SERPINA9: variants seen among roughly 807,000 people sequenced by gnomAD.
The protein encoded by SERPINA9 is serpin family A member 9.
A neutral mutation model predicts 24.5 loss-of-function variants in SERPINA9; 32 were observed. The observed-to-expected ratio is 1.30, with a 90% CI of 0.98 to 1.75. The LOEUF (loss-of-function observed/expected upper bound fraction) is 1.75, where lower values mean the gene tolerates loss of function less well. Among genes scored for constraint, SERPINA9 ranks in the 40% most tolerant of loss-of-function variants. SERPINA9 has a pLI of 0.00. For synonymous variants in SERPINA9, 233 were observed against 197.7 expected (o/e 1.18, Z -1.50); for missense variants, 594 against 497.1 (o/e 1.19, Z -1.85).
At chr14:94,475,815 C>T (rs1899603340) in intron 1 of SERPINA9, 1 of 426,492 alleles carries the variant, frequency 2.3e-6, no homozygotes, top group Non-Finnish European at 4.2e-6. Context: ...ACAACAAAAA[C>T]ACTCCTTTCA....
Position 94,463,041 on chromosome 14 carries a change from G to T in SERPINA9, c.*52C>A. 6.9e-7 allele frequency: 1 copy of T among 1,443,636 alleles called. No homozygotes were observed. The highest frequency in any genetic ancestry group is 9.8e-7 in the Non-Finnish European group (1 of 1,024,690). 89.4% of individuals were successfully genotyped at this position (1,443,636 alleles called of 1,614,324 possible). A position where few individuals can be genotyped will look rare whatever the true frequency, so the allele number is the denominator to read the frequency against. ...CAGAACAGAAAGAGGGATGTGGTTT[G>T]TTATTTCTTGTGCATTAGCAATGTG... On this transcript the variant is annotated 3_prime_UTR_variant, in exon 5 of 5. Coordinates refer to ENST00000674397, the MANE Select transcript of SERPINA9 (RefSeq NM_175739.4).
chr14:94,475,580 T>C (rs758908581), intron 1 of SERPINA9, among the ~76,000 whole-genome samples: 1 of 151,888 alleles, frequency 6.6e-6, no homozygotes, highest in Admixed American at 6.6e-5. Flanking sequence ...CAGTCGCCCC[T>C]CTCTCTCCCC....
intron 1 of SERPINA9, 130 bp downstream of exon 1, chr14:94,476,006 T>A (rs1167672782): frequency 5.7e-6 from 8 of 1,398,986 alleles, no homozygotes; most frequent in Non-Finnish European, 6.9e-6. Flanking sequence ...AGCCAACTAA[T>A]GTGTCTAGGT....
rs749711646 is a variant in SERPINA9, at chr14:94,467,350, T to A, written c.661A>T (p.Thr221Ser). Residue 221 changes from threonine to serine, a missense_variant, in exon 3 of 5, where the codon ACA becomes TCA. Coordinates refer to ENST00000674397, the MANE Select transcript of SERPINA9 (RefSeq NM_175739.4). The stretch of plus-strand genomic sequence containing the variant: ...ACCAGGAATGGGAAGTTCTTTCTTG[T>A]ATATTCAGGGTGAAAGGGCTTCTCC... Reference protein sequence around the residue: ...KWEKPFHPEYTRKNFPFLVGE... With the variant: ...KWEKPFHPEYSRKNFPFLVGE... The A allele has an allele frequency of 6.2e-7, 1 of 1,613,356 alleles. No homozygotes were observed. Among genetic ancestry groups the A allele is most frequent in the South Asian group, 1.1e-5 (1 of 91,040 alleles).
At chr14:94,466,364 G>A (rs1292075021) in intron 3 of SERPINA9, among the ~76,000 whole-genome samples, 1 of 152,146 alleles carries the variant, frequency 6.6e-6, no homozygotes, top group East Asian at 1.9e-4. Context: ...AAACTCCTCA[G>A]CACCTTTCCT....
In SERPINA9 at chr14:94,463,271, A is replaced by G. The variant is rs1898830309; in HGVS notation, c.1076T>C (p.Val359Ala). 4 of 1,614,052 alleles carry G rather than the reference A, an allele frequency of 2.5e-6. No individual in the cohort carries two copies. The highest frequency in any genetic ancestry group is 3.4e-6 in the Non-Finnish European group (4 of 1,180,038). ...SKATHKAVLD[V>A]SEEGTEATAA... Reference sequence around the variant, plus strand: ...TGTGGCCTCAGTGCCCTCTTCACTGACATCCAGCACAGCCTTGTGGGTTGC... The same window carrying G: ...TGTGGCCTCAGTGCCCTCTTCACTGGCATCCAGCACAGCCTTGTGGGTTGC... The change falls in exon 5 of 5, where the codon GTC becomes GCC. Residue 359 changes from valine to alanine, a missense_variant. By Grantham distance (64) the Val-to-Ala change is moderately conservative. Coordinates refer to ENST00000674397, the MANE Select transcript of SERPINA9 (RefSeq NM_175739.4).
At chr14:94,475,863 A>G (rs1899608920) in intron 1 of SERPINA9, 6 of 503,142 alleles carry the variant, frequency 1.2e-5, no homozygotes, top group South Asian at 1.0e-4. Context: ...CTATTTCAAT[A>G]CTCCTCCCCT....
intron 1 of SERPINA9, among the ~76,000 whole-genome samples, chr14:94,475,542 G>T (rs191591432): frequency 1.3e-5 from 2 of 151,916 alleles, no homozygotes; most frequent in African/African-American, 4.8e-5. Flanking sequence ...CCCTCAAAGG[G>T]CATCCTCTCT....
chr14:94,468,755 G>A (rs1899141958), intron 2 of SERPINA9, among the ~76,000 whole-genome samples: 1 of 152,062 alleles, frequency 6.6e-6, no homozygotes, highest in African/African-American at 2.4e-5. Flanking sequence ...TATATATAAG[G>A]GATACGAATG....
rs138003763 is a variant in SERPINA9 at position 94,464,898 on chromosome 14, G to A, written c.903-44C>T. 8 of 1,554,838 alleles carry A rather than the reference G, an allele frequency of 5.1e-6. No homozygotes were observed. In the African/African-American group the frequency reaches 1.1e-4, roughly 21 times the overall value. On this transcript the variant is annotated intron_variant, in intron 3 of 4. Coordinates refer to ENST00000674397, the MANE Select transcript of SERPINA9 (RefSeq NM_175739.4). Reference sequence around the variant, plus strand: ...GAAACAATGAGGTCACAAGCCCATGGTGTCTGCATCTCTGCTCCTAGATGC... The same window carrying A: ...GAAACAATGAGGTCACAAGCCCATGATGTCTGCATCTCTGCTCCTAGATGC...
intron 1 of SERPINA9, 63 bp from the exon 2 acceptor site, chr14:94,469,920 C>G (rs183828792): frequency 1.5e-6 from 2 of 1,309,776 alleles, no homozygotes; most frequent in African/African-American, 2.9e-5. Context: ...AATCAGAGAC[C>G]CTTTAACACC....
At position 94,476,189 on chromosome 14, in the gene SERPINA9, C is replaced by A. The variant is rs754196065; in HGVS notation, c.-71G>T. 6.2e-7 allele frequency: 1 copy of A among 1,614,052 alleles called. No individual in the cohort carries two copies. The highest frequency in any genetic ancestry group is 8.5e-7 in the Non-Finnish European group (1 of 1,180,042). ...TCCTTGCATGGTTGGTGAGCCCTGA[C>A]ACTTGCTTACTTGGTTGTAGCTCTC... is the stretch of plus-strand genomic sequence containing the variant. On this transcript the variant is annotated 5_prime_UTR_variant, in exon 1 of 5. Transcript: ENST00000674397.
rs77274019 is a variant in SERPINA9 at position 94,464,715 on chromosome 14, C to T, written c.1042G>A (p.Val348Ile). Residue 348 changes from valine (V) to isoleucine (I), a missense_variant, in exon 4 of 5, where the codon GTT (valine) becomes ATT (isoleucine). Coordinates refer to ENST00000674397, the MANE Select transcript of SERPINA9 (RefSeq NM_175739.4). The stretch of plus-strand genomic sequence containing the variant: ...ATTTTCATTCAACTCACTTTAGAAA[C>T]CTGCAGGGAGTCTCTCTTTGCAATT... ...SGIAKRDSLQ[V>I]SKATHKAVLD... is the part of the protein sequence containing the mutation. 4,571 of 1,612,306 alleles carry T rather than the reference C, an allele frequency of 2.8e-3. 12 individuals are homozygous for T. The highest frequency in any genetic ancestry group is 3.5e-3 in the Non-Finnish European group (4,082 of 1,179,112).
At chr14:94,475,601 C>T (rs1899572503) in intron 1 of SERPINA9, among the ~76,000 whole-genome samples, 2 of 152,150 alleles carry the variant, frequency 1.3e-5, no homozygotes, top group Admixed American at 6.5e-5. Flanking sequence ...TACACCTCCA[C>T]TCCACCAATA....
chr14:94,467,252 C>A lies in SERPINA9; in HGVS notation c.759G>T (p.Glu253Asp). The A allele has an allele frequency of 6.2e-7, 1 of 1,614,214 alleles. No homozygotes were observed. Among genetic ancestry groups the A allele is most frequent in the Non-Finnish European group, 8.5e-7 (1 of 1,180,040 alleles). Reference protein sequence around the residue: ...KEQFAFGVDTELNCFVLQMDY... With the variant: ...KEQFAFGVDTDLNCFVLQMDY... The stretch of plus-strand genomic sequence containing the variant: ...CCATCTGCAGCACAAAGCAGTTCAG[C>A]TCTGTATCCACCCCAAAAGCGAACT... Residue 253 changes from glutamate (E) to aspartate (D), a missense_variant, in exon 3 of 5, where the codon GAG (glutamate) becomes GAT (aspartate). Coordinates refer to ENST00000674397, the MANE Select transcript of SERPINA9 (RefSeq NM_175739.4).
At chr14:94,474,827 C>T (rs1269254038) in intron 1 of SERPINA9, among the ~76,000 whole-genome samples, 1 of 152,132 alleles carries the variant, frequency 6.6e-6, no homozygotes, top group East Asian at 1.9e-4. Context: ...CTCACTCACT[C>T]CCATCTCCAA....
rs985697583 is a variant in SERPINA9, at chr14:94,464,761, G to A, written c.996C>T (p.Asp332=). ...CAATTCCAGAAAAATCAGCATTTTTGTCAAAGACATTTTGGATGCCCATCT... is the reference window on the plus strand; with the variant it reads ...CAATTCCAGAAAAATCAGCATTTTTATCAAAGACATTTTGGATGCCCATCT... ...LPKMGIQNVF[D]KNADFSGIAK... The change falls in exon 4 of 5, where the codon GAC becomes GAT. Residue 332 remains aspartate, a synonymous_variant. Transcript: ENST00000674397. The A allele has an allele frequency of 1.1e-5, 17 of 1,613,416 alleles. No homozygotes were observed. The African/African-American group carries it at 1.5e-4, about 14-fold the overall frequency.
intron 1 of SERPINA9, among the ~76,000 whole-genome samples, chr14:94,475,612 A>C (rs1899573258): frequency 6.6e-6 from 1 of 151,976 alleles, no homozygotes; most frequent in African/African-American, 2.4e-5. Flanking sequence ...TCCACCAATA[A>C]AGCAGAGGAT....
chr14:94,464,109 A>G (rs1424137997), intron 4 of SERPINA9, among the ~76,000 whole-genome samples: 2 of 152,132 alleles, frequency 1.3e-5, no homozygotes. Context: ...TACCTGGAGG[A>G]TACTGTCTGG....
Sources: gnomAD v4.1 joint callset for allele counts (sites outside exome capture counted in the v4.1 genomes callset) on GRCh38, gnomAD v4.1.1 for gene constraint, MANE v1.5 for transcripts, NCBI Gene and HGNC (gene_info 2026-07-23, HGNC 2026-07-21) for gene names.